OSCP1: variants seen among roughly 807,000 people sequenced by gnomAD.
OSCP1 encodes the protein protein OSCP1.
In OSCP1, 35 loss-of-function variants were observed where a neutral mutation model predicts 45.1. The ratio of observed to expected loss-of-function variants is 0.78; its 90% CI spans 0.59 to 1.03. The LOEUF (loss-of-function observed/expected upper bound fraction) is 1.03. Ranked by LOEUF, OSCP1 falls within the 50% of genes least tolerant of loss-of-function variation. The pLI is 0.00. For synonymous variants in OSCP1, 179 were observed against 180.1 expected, an observed-to-expected ratio of 0.99 and a Z score of 0.05; for missense variants, 400 against 470.7, an observed-to-expected ratio of 0.85 and a Z score of 1.39.
Position 36,422,030 on chromosome 1 carries a change from T to C in OSCP1, c.819+120A>G, listed in dbSNP as rs183242506. The C allele has an allele frequency of 2.1e-4, 196 of 942,216 alleles. No homozygotes were observed. In the African/African-American group the frequency reaches 2.8e-3, roughly 14 times the overall value. The allele number at this position is 942,216 out of a possible 1,614,324, so 58.4% of individuals were successfully genotyped here. A position where few individuals can be genotyped will look rare whatever the true frequency, so the allele number is the denominator to read the frequency against. The stretch of plus-strand genomic sequence containing the variant: ...ACTCGTAAGGTGGAATGGAGAAGAT[T>C]GCACACAACAGGGGAAATGTTGGCT... On this transcript the variant is annotated intron_variant, in intron 7 of 9. Coordinates refer to ENST00000235532, the MANE Select transcript of OSCP1 (RefSeq NM_145047.5).
intron 1 of OSCP1, 90 bp downstream of exon 1, chr1:36,450,168 G>T: frequency 6.0e-6 from 6 of 999,830 alleles, no homozygotes; most frequent in Non-Finnish European, 6.3e-6. Context: ...AGTGTGTAGG[G>T]GTGCGGGTCT....
At chr1:36,441,341 G>A (rs527615661) in intron 1 of OSCP1, among the ~76,000 whole-genome samples, 2 of 152,288 alleles carry the variant, frequency 1.3e-5, no homozygotes, top group Admixed American at 1.3e-4. Context: ...GACCTATTAG[G>A]TACCAGACAG....
intron 4 of OSCP1, among the ~76,000 whole-genome samples, chr1:36,429,769 T>A (rs1474560771): frequency 2.0e-5 from 3 of 151,682 alleles, no homozygotes; most frequent in South Asian, 2.1e-4. Flanking sequence ...TTATTTATTT[T>A]TTTGAGACAG....
At chr1:36,423,947 G>T (rs1012420402) in intron 4 of OSCP1, among the ~76,000 whole-genome samples, 11 of 134,108 alleles carry the variant, frequency 8.2e-5, no homozygotes, top group African/African-American at 2.7e-4. Context: ...TTAACAAACA[G>T]AACTATTTTT....
intron 1 of OSCP1, among the ~76,000 whole-genome samples, chr1:36,440,597 C>T (rs1339868262): frequency 6.6e-6 from 1 of 152,144 alleles, no homozygotes; most frequent in Non-Finnish European, 1.5e-5. Flanking sequence ...ATTTCCCCAC[C>T]GTGGACAGCT....
At chr1:36,446,678 A>T (rs1028129961) in intron 1 of OSCP1, among the ~76,000 whole-genome samples, 7 of 150,814 alleles carry the variant, frequency 4.6e-5, no homozygotes, top group African/African-American at 1.7e-4. Context: ...ATTCAGAGCT[A>T]GTCGTTAAAC....
intron 4 of OSCP1, among the ~76,000 whole-genome samples, chr1:36,431,085 G>A (rs1287327339): frequency 2.6e-5 from 4 of 152,224 alleles, no homozygotes; most frequent in Non-Finnish European, 5.9e-5. Flanking sequence ...AGTCAGGGCA[G>A]CACCTGAACT....
intron 1 of OSCP1, among the ~76,000 whole-genome samples, chr1:36,448,158 T>C (rs775723660): frequency 1.3e-5 from 2 of 152,230 alleles, no homozygotes; most frequent in Admixed American, 6.5e-5. Context: ...TTATAGAGGT[T>C]ACACCCAAAG....
At chr1:36,444,015 T>C (rs1416567213) in intron 1 of OSCP1, 2 of 1,613,598 alleles carry the variant, frequency 1.2e-6, no homozygotes, top group Non-Finnish European at 8.5e-7. Flanking sequence ...TCGTTTTCTG[T>C]CCACCTCTGT....
At position 36,427,048 on chromosome 1, in the gene OSCP1, T is replaced by A. The variant is rs1226004108; in HGVS notation, c.517-3582A>T. Among the ~76,000 whole-genome samples the A allele has an allele frequency of 4.6e-5, 7 of 150,716 alleles. No individual in the cohort carries two copies. The East Asian group carries it at 1.4e-3, about 29-fold the overall frequency. On this transcript the variant is annotated intron_variant, in intron 4 of 9. Transcript: ENST00000235532. Reference sequence around the variant, plus strand: ...TGGAGTCTTGCTCTGTCGCCCAGGCTAGAGTACAGTGGCATGATCTCGGCT... The same window carrying A: ...TGGAGTCTTGCTCTGTCGCCCAGGCAAGAGTACAGTGGCATGATCTCGGCT...
intron 4 of OSCP1, among the ~76,000 whole-genome samples, chr1:36,431,067 A>G (rs1453226320): frequency 6.6e-6 from 1 of 152,168 alleles, no homozygotes; most frequent in Non-Finnish European, 1.5e-5. Context: ...CCTCAAAAGA[A>G]ATGAGAAAGT....
chr1:36,442,554 T>C (rs894549235), intron 1 of OSCP1, among the ~76,000 whole-genome samples: 2 of 152,230 alleles, frequency 1.3e-5, no homozygotes, highest in African/African-American at 4.8e-5. Context: ...TTGGGCTTTT[T>C]TTCGAGACTG....
At chr1:36,427,538 C>T (rs966519306) in intron 4 of OSCP1, among the ~76,000 whole-genome samples, 3 of 151,364 alleles carry the variant, frequency 2.0e-5, no homozygotes, top group African/African-American at 4.9e-5. Context: ...AGGATGGTCT[C>T]GATCTCTTGA....
chr1:36,420,555 C>G lies in OSCP1; in HGVS notation c.880G>C (p.Gly294Arg). 15 of 1,614,120 alleles carry G rather than the reference C, an allele frequency of 9.3e-6. No individual in the cohort carries two copies. Among genetic ancestry groups the G allele is most frequent in the Non-Finnish European group, 1.3e-5 (15 of 1,180,034 alleles). ...CTGGGTTTCTTAATCTCCATCCCTCCCATCAGCCTGGCCAAGAAATTCAGC... is the reference window on the plus strand; with the variant it reads ...CTGGGTTTCTTAATCTCCATCCCTCGCATCAGCCTGGCCAAGAAATTCAGC... ...EELNFLARLM[G>R]GMEIKKPSGP... The change falls in exon 8 of 10, where the codon GGA (glycine) becomes CGA (arginine). Residue 294 changes from glycine (G) to arginine (R), a missense_variant. Transcript: ENST00000235532.
At chr1:36,443,071 C>G (rs1303442951) in intron 1 of OSCP1, among the ~76,000 whole-genome samples, 1 of 152,184 alleles carries the variant, frequency 6.6e-6, no homozygotes, top group Non-Finnish European at 1.5e-5. Context: ...TCAAGTGATT[C>G]TCCTGCCTCA....
In OSCP1 at chr1:36,436,311, CA is replaced by C. The variant is rs1648736508; in HGVS notation, c.267+2444del. On this transcript the variant is annotated intron_variant, in intron 2 of 9. Coordinates refer to ENST00000235532, the MANE Select transcript of OSCP1 (RefSeq NM_145047.5). ...ATTTTTAGTAGAGACGAGATTTCAC[CA>C]TGTTAGCCAGGATGGTCTCGATCTC... Among the ~76,000 whole-genome samples, 5 of 151,568 alleles carry C rather than the reference CA, an allele frequency of 3.3e-5. No individual in the cohort carries two copies. The South Asian group carries it at 8.3e-4, about 25-fold the overall frequency.
rs1420965116 is a variant in OSCP1 at position 36,431,862 on chromosome 1, T to G, written c.456A>C (p.Ala152=). ...TCTGCCGGATCAGCTGGAACTCCCC[T>G]GCAGAGAGACCACCATATATCTGCC... ...QLTEIYGGLS[A]GEFQLIRQTL... Residue 152 remains alanine, a synonymous_variant, in exon 4 of 10, where the codon GCA becomes GCC. Transcript: ENST00000235532. 1 of 1,613,388 alleles carries G rather than the reference T, an allele frequency of 6.2e-7. No homozygotes were observed. Among genetic ancestry groups the G allele is most frequent in the Non-Finnish European group, 8.5e-7 (1 of 1,179,996 alleles).
At position 36,432,470 on chromosome 1, in the gene OSCP1, G is replaced by A. The variant is rs747677322; in HGVS notation, c.387C>T (p.Ser129=). ...CGTCCACTTGCTGCAGGATGGTTGG[G>A]GAGTCTCGGATGAATCCCTTGATGG... ...LDTIKGFIRD[S]PTILQQVDET... Residue 129 remains serine (S), a synonymous_variant, in exon 3 of 10, where the codon TCC becomes TCT. Coordinates refer to ENST00000235532, the MANE Select transcript of OSCP1 (RefSeq NM_145047.5). The A allele has an allele frequency of 1.2e-6, 2 of 1,613,968 alleles. No individual in the cohort carries two copies. The highest frequency in any genetic ancestry group is 1.7e-5 in the Admixed American group (1 of 59,974).
At chr1:36,437,055 T>A (rs1648794787) in intron 2 of OSCP1, among the ~76,000 whole-genome samples, 1 of 152,182 alleles carries the variant, frequency 6.6e-6, no homozygotes, top group South Asian at 2.1e-4. Context: ...ACTGTTGATG[T>A]TACCTTGACC....
Sources: gnomAD v4.1 joint callset for allele counts (sites outside exome capture counted in the v4.1 genomes callset) on GRCh38, gnomAD v4.1.1 for gene constraint, MANE v1.5 for transcripts, NCBI Gene and HGNC (gene_info 2026-07-23, HGNC 2026-07-21) for gene names.